The following OSR2 variants were observed in gnomAD, a reference collection of about 807,000 sequenced individuals.
OSR2 encodes odd-skipped related transciption factor 2.
Under a neutral mutation model 22.3 loss-of-function variants are expected in OSR2, and 8 were observed. The observed-to-expected ratio is 0.36, with a 90% CI of 0.21 to 0.65. The LOEUF (loss-of-function observed/expected upper bound fraction) is 0.65. OSR2 is among the 30% of genes least tolerant of loss of function. The pLI is 0.66. For missense variants in OSR2, 311 were observed against 413.4 expected (o/e 0.75, Z 2.15); for synonymous variants, 179 against 173.8 (o/e 1.03, Z -0.23).
rs1840729076 is a variant in OSR2, at chr8:98,949,790, C to G, written c.656+182C>G. Among the ~76,000 whole-genome samples the G allele has an allele frequency of 6.6e-6, 1 of 152,232 alleles. No individual in the cohort carries two copies. The highest frequency in any genetic ancestry group is 6.5e-5 in the Admixed American group (1 of 15,284). On this transcript the variant is annotated intron_variant, in intron 2 of 3. Coordinates refer to ENST00000297565, the MANE Select transcript of OSR2 (RefSeq NM_001142462.3). This position sits in a 1 kb window ranked among gnomAD's most constrained non-coding sequence, Gnocchi z 5.9. ...CTACCCTTTCTTTCCCCCAGCGGCT[C>G]TTGCTACGTTCTTGTTTGGAATGAG...
Position 98,949,284 on chromosome 8 carries a change from A to C in OSR2, c.332A>C (p.Lys111Thr). 6.2e-7 allele frequency: 1 copy of C among 1,613,274 alleles called. No homozygotes were observed. The highest frequency in any genetic ancestry group is 1.7e-5 in the Admixed American group (1 of 59,978). The change falls in exon 2 of 4, where the codon AAG becomes ACG. Residue 111 changes from lysine to threonine, a missense_variant. Physicochemically the swap from Lys to Thr is moderately conservative, Grantham distance 78 (BLOSUM62 -1). This residue lies in a region of OSR2 where 146 missense variants were observed against 160.5 expected (regional missense o/e 0.91). Transcript: ENST00000297565. The surrounding 1 kb of genome is among the most constrained non-coding windows in gnomAD (Gnocchi z 5.9). The part of the protein sequence containing the change: ...AIAHVLPALH[K>T]DRPRFDFANL... ...GCCCACGTCCTCCCAGCCCTGCACA[A>C]GGACCGGCCCCGTTTTGACTTTGCC...
intron 3 of OSR2, among the ~76,000 whole-genome samples, chr8:98,951,308 G>A (rs1430271502): frequency 6.6e-6 from 1 of 152,180 alleles, no homozygotes; most frequent in East Asian, 1.9e-4. Context: ...TGCCTCCGAA[G>A]TTATCAGTGT....
intron 3 of OSR2, 116 bp downstream of exon 3, chr8:98,950,871 C>G (rs1353774212): frequency 1.4e-6 from 1 of 719,644 alleles, no homozygotes. Context: ...GATTAGTTCT[C>G]TAGGTGGGGA....
At chr8:98,947,023 G>C (rs1840629217) in intron 1 of OSR2, among the ~76,000 whole-genome samples, 1 of 152,052 alleles carries the variant, frequency 6.6e-6, no homozygotes, top group African/African-American at 2.4e-5. Flanking sequence ...TACCAGGAAT[G>C]TTAGTAGAAT....
In OSR2 at chr8:98,951,573, C is replaced by G. The variant is rs751354707; in HGVS notation, c.811C>G (p.Leu271Val). The G allele has an allele frequency of 9.3e-6, 15 of 1,613,448 alleles. No individual in the cohort carries two copies. The highest frequency in any genetic ancestry group is 1.3e-5 in the Non-Finnish European group (15 of 1,179,680). ...CGRTFNQRSN[L>V]KTHLLTHTDI... ...AAGAACCTTTAATCAGAGAAGTAAT[C>G]TGAAAACTCACCTTCTCACCCATAC... The change falls in exon 4 of 4, where the codon CTG becomes GTG. Residue 271 changes from leucine (L) to valine (V), a missense_variant. Physicochemically the swap from Leu to Val is conservative, Grantham distance 32 (BLOSUM62 1). Coordinates refer to ENST00000297565, the MANE Select transcript of OSR2 (RefSeq NM_001142462.3).
At chr8:98,946,850 C>T (rs1013090667) in intron 1 of OSR2, among the ~76,000 whole-genome samples, 1 of 152,010 alleles carries the variant, frequency 6.6e-6, no homozygotes, top group Non-Finnish European at 1.5e-5. Context: ...TGGGAATACA[C>T]CCAAATAATA....
In OSR2 at chr8:98,948,210, C is replaced by CGAG; in HGVS notation, c.-114-627_-114-625dup. On this transcript the variant is annotated intron_variant, in intron 1 of 3. Transcript: ENST00000297565. This position sits in a 1 kb window ranked among gnomAD's most constrained non-coding sequence, Gnocchi z 6.0. ...GCAGAGGAAGGAAAAAGAAAACCTC[C>CGAG]GAGGTCAGTGCGGGGCGAGGTGAGC... is the stretch of plus-strand genomic sequence containing the variant. 7.0e-7 allele frequency: 1 copy of CGAG among 1,427,580 alleles called. No homozygotes were observed. The highest frequency in any genetic ancestry group is 9.1e-7 in the Non-Finnish European group (1 of 1,093,904). 88.4% of individuals were successfully genotyped at this position (1,427,580 alleles called of 1,614,324 possible).
chr8:98,948,916 A>G lies in OSR2; in HGVS notation c.-37A>G. The G allele has an allele frequency of 6.2e-7, 1 of 1,613,656 alleles. No homozygotes were observed. Among genetic ancestry groups the G allele is most frequent in the Non-Finnish European group, 8.5e-7 (1 of 1,179,880 alleles). On this transcript the variant is annotated 5_prime_UTR_variant, in exon 2 of 4. Transcript: ENST00000297565. This position sits in a 1 kb window ranked among gnomAD's most constrained non-coding sequence, Gnocchi z 6.0. ...CTCCGGCCTCTGATTCCTGGAAGAA[A>G]GGGTTGGTCCCCTCAGCACCCCCAG...
chr8:98,951,907 A>C lies in OSR2; in HGVS notation c.*206A>C. ...CACACACTACTACATCCCTTCACAAAGAGTATATGCTAGTTTCTTGTAGAT... is the reference window on the plus strand; with the variant it reads ...CACACACTACTACATCCCTTCACAACGAGTATATGCTAGTTTCTTGTAGAT... On this transcript the variant is annotated 3_prime_UTR_variant, in exon 4 of 4. Coordinates refer to ENST00000297565, the MANE Select transcript of OSR2 (RefSeq NM_001142462.3). 1.8e-6 allele frequency: 1 copy of C among 554,938 alleles called. No individual in the cohort carries two copies. The highest frequency in any genetic ancestry group is 3.2e-6 in the Non-Finnish European group (1 of 311,244). The allele number at this position is 554,938 out of a possible 1,614,324, so 34.4% of individuals were successfully genotyped here.
Position 98,948,880 on chromosome 8 carries a change from A to G in OSR2, c.-73A>G. On this transcript the variant is annotated 5_prime_UTR_variant, in exon 2 of 4. Transcript: ENST00000297565. The surrounding 1 kb of genome is among the most constrained non-coding windows in gnomAD (Gnocchi z 6.0). ...TGTTGTCTCACTGGGTTTTTGTCGGAGCCCCACGCCCTCCGGCCTCTGATT... is the reference window on the plus strand; with the variant it reads ...TGTTGTCTCACTGGGTTTTTGTCGGGGCCCCACGCCCTCCGGCCTCTGATT... 1 of 1,611,988 alleles carries G rather than the reference A, an allele frequency of 6.2e-7. No homozygotes were observed. The highest frequency in any genetic ancestry group is 8.5e-7 in the Non-Finnish European group (1 of 1,179,536).
At chr8:98,950,787 C>T in intron 3 of OSR2, 32 bp downstream of exon 3, 1 of 1,430,232 alleles carries the variant, frequency 7.0e-7, no homozygotes, top group Non-Finnish European at 9.8e-7. Context: ...AAAACAGTGG[C>T]TGGTTCGTGT....
chr8:98,945,413 G>A (rs1840578802), intron 1 of OSR2, among the ~76,000 whole-genome samples: 1 of 152,242 alleles, frequency 6.6e-6, no homozygotes, highest in Admixed American at 6.5e-5. Flanking sequence ...AGTGAGAAAG[G>A]AGTTGCAGTT....
chr8:98,948,554 C>G lies in OSR2; in HGVS notation c.-114-285C>G. On this transcript the variant is annotated intron_variant, in intron 1 of 3. Transcript: ENST00000297565. This position sits in a 1 kb window ranked among gnomAD's most constrained non-coding sequence, Gnocchi z 6.0. ...TGTCCGCCTTTCGTTTTCCTGGGACCGAGGAGTCTTCCGCTCCGTATCTGC... is the reference window on the plus strand; with the variant it reads ...TGTCCGCCTTTCGTTTTCCTGGGACGGAGGAGTCTTCCGCTCCGTATCTGC... 8.0e-7 allele frequency: 1 copy of G among 1,257,036 alleles called. No individual in the cohort carries two copies. The highest frequency in any genetic ancestry group is 2.7e-5 in the East Asian group (1 of 37,632). The allele number at this position is 1,257,036 out of a possible 1,614,324, so 77.9% of individuals were successfully genotyped here. A position where few individuals can be genotyped will look rare whatever the true frequency, so the allele number is the denominator to read the frequency against.
rs1016896364 is a variant in OSR2, at chr8:98,948,231, T to C, written c.-114-608T>C. 2 of 1,474,052 alleles carry C rather than the reference T, an allele frequency of 1.4e-6. No individual in the cohort carries two copies. The highest frequency in any genetic ancestry group is 1.8e-6 in the Non-Finnish European group (2 of 1,114,158). 91.3% of individuals were successfully genotyped at this position (1,474,052 alleles called of 1,614,324 possible). On this transcript the variant is annotated intron_variant, in intron 1 of 3. Transcript: ENST00000297565. The surrounding 1 kb of genome is among the most constrained non-coding windows in gnomAD (Gnocchi z 6.0). ...CCTCCGAGGTCAGTGCGGGGCGAGG[T>C]GAGCCCCTCCCAGGGCCCTCTGGCC...
Position 98,948,159 on chromosome 8 carries a change from G to A in OSR2, c.-114-680G>A. On this transcript the variant is annotated intron_variant, in intron 1 of 3. Coordinates refer to ENST00000297565, the MANE Select transcript of OSR2 (RefSeq NM_001142462.3). This position sits in a 1 kb window ranked among gnomAD's most constrained non-coding sequence, Gnocchi z 6.0. Reference sequence around the variant, plus strand: ...GTGTCACTTTTCTTTCCTGCGGCCCGTCACCGCTGATAGATGGGGCTGAGG... The same window carrying A: ...GTGTCACTTTTCTTTCCTGCGGCCCATCACCGCTGATAGATGGGGCTGAGG... 1 of 1,380,356 alleles carries A rather than the reference G, an allele frequency of 7.2e-7. No individual in the cohort carries two copies. The allele number at this position is 1,380,356 out of a possible 1,614,324, so 85.5% of individuals were successfully genotyped here. A position where few individuals can be genotyped will look rare whatever the true frequency, so the allele number is the denominator to read the frequency against.
rs1001594635 is a variant in OSR2 at position 98,948,328 on chromosome 8, C to A, written c.-114-511C>A. ...ATCCGGGTAAGCGCGGGAAAGGCGG[C>A]CACAGGGCGCGGCGGCAGCGCAGCG... On this transcript the variant is annotated intron_variant, in intron 1 of 3. Coordinates refer to ENST00000297565, the MANE Select transcript of OSR2 (RefSeq NM_001142462.3). The surrounding 1 kb of genome is among the most constrained non-coding windows in gnomAD (Gnocchi z 6.0). 4.6e-6 allele frequency: 7 copies of A among 1,523,954 alleles called. No homozygotes were observed. In the African/African-American group the frequency reaches 9.6e-5, roughly 21 times the overall value. The allele number at this position is 1,523,954 out of a possible 1,614,324, so 94.4% of individuals were successfully genotyped here. A position where few individuals can be genotyped will look rare whatever the true frequency, so the allele number is the denominator to read the frequency against.
At chr8:98,950,997 T>G (rs1399166886) in intron 3 of OSR2, 2 of 596,016 alleles carry the variant, frequency 3.4e-6, no homozygotes, top group South Asian at 2.2e-5. Context: ...TTTTAGAATT[T>G]TTTTCATCCA....
At chr8:98,946,238 G>A (rs1298803188) in intron 1 of OSR2, 1 of 152,216 alleles carries the variant, frequency 6.6e-6, no homozygotes, top group African/African-American at 2.4e-5. Context: ...GGTCTGAAAC[G>A]GGACGGTGGA....
chr8:98,950,992 G>T lies in OSR2; in HGVS notation c.756+237G>T, dbSNP rs71516821. On this transcript the variant is annotated intron_variant, in intron 3 of 3. Transcript: ENST00000297565. Reference sequence around the variant, plus strand: ...TTGATTATCATAAATCCTAATTTTAGAATTTTTTTCATCCAATCTGTCCTG... The same window carrying T: ...TTGATTATCATAAATCCTAATTTTATAATTTTTTTCATCCAATCTGTCCTG... 998 of 594,566 alleles carry T rather than the reference G, an allele frequency of 1.7e-3. 5 individuals carry two copies. The highest frequency in any genetic ancestry group is 2.5e-3 in the Non-Finnish European group (847 of 337,986). The allele number at this position is 594,566 out of a possible 1,614,324, so 36.8% of individuals were successfully genotyped here.
Sources: allele counts gnomAD v4.1 joint callset (sites outside exome capture counted in the v4.1 genomes callset), GRCh38; gene constraint gnomAD v4.1.1; regional missense constraint gnomAD v4.1.1; non-coding constraint Gnocchi (gnomAD v3.1); transcripts MANE v1.5; gene names NCBI Gene and HGNC (gene_info 2026-07-23, HGNC 2026-07-21).